EIF4G3: variants seen among roughly 807,000 people sequenced by gnomAD.
EIF4G3 encodes the protein eIF-4-gamma 3.
EIF4G3 carries 34 observed loss-of-function variants against 186.4 expected under a neutral mutation model. The ratio of observed to expected loss-of-function variants is 0.18; its 90% CI spans 0.14 to 0.24. The LOEUF is 0.24. EIF4G3 is among the 10% of genes least tolerant of loss of function. The probability of loss-of-function intolerance (pLI) is 1.00; values close to 1 mark genes in which losing one functional copy is unlikely to be tolerated. For missense variants in EIF4G3, 1,536 were observed against 1,948.5 expected (o/e 0.79, Z 3.99); for synonymous variants, 673 against 679.5 (o/e 0.99, Z 0.15).
chr1:20,823,518 G>A (rs531091301), intron 33 of EIF4G3, among the ~76,000 whole-genome samples: 4 of 151,974 alleles, frequency 2.6e-5, no homozygotes, highest in South Asian at 2.1e-4. Flanking sequence ...AGTAGCTTAC[G>A]ACTACAGGTG....
chr1:21,062,860 G>A (rs1253276074), intron 3 of EIF4G3, among the ~76,000 whole-genome samples: 1 of 152,068 alleles, frequency 6.6e-6, no homozygotes, highest in East Asian at 1.9e-4. Flanking sequence ...CAAAGTGCTA[G>A]GATTACAGGC....
chr1:21,065,727 G>A (rs1329228913), intron 3 of EIF4G3, among the ~76,000 whole-genome samples: 1 of 152,126 alleles, frequency 6.6e-6, no homozygotes, highest in Non-Finnish European at 1.5e-5. Flanking sequence ...TTATCATGCT[G>A]ATTTATTCAA....
chr1:20,978,831 G>A (rs1043176798), intron 10 of EIF4G3, among the ~76,000 whole-genome samples: 3 of 151,852 alleles, frequency 2.0e-5, no homozygotes, highest in Non-Finnish European at 4.4e-5. Context: ...ATCAACCAAG[G>A]TAACAGAAAA....
At chr1:20,879,287 G>A (rs923365141) in intron 20 of EIF4G3, 36 bp downstream of exon 20, 4 of 1,519,820 alleles carry the variant, frequency 2.6e-6, no homozygotes, top group Non-Finnish European at 3.6e-6. Context: ...TATACCTCTT[G>A]AAGATTTCTC....
intron 4 of EIF4G3, among the ~76,000 whole-genome samples, chr1:21,007,954 G>T (rs537017091): frequency 6.6e-6 from 1 of 152,192 alleles, no homozygotes; most frequent in South Asian, 2.1e-4. Context: ...ATTTAATAAA[G>T]AAAACCTCTG....
intron 4 of EIF4G3, among the ~76,000 whole-genome samples, chr1:21,034,018 C>T (rs1324976533): frequency 1.3e-5 from 2 of 152,122 alleles, no homozygotes; most frequent in Non-Finnish European, 2.9e-5. Context: ...ATGGGAGGAT[C>T]CCTTGAGCCC....
At chr1:20,995,438 T>C (rs767483068) in intron 7 of EIF4G3, among the ~76,000 whole-genome samples, 1 of 152,118 alleles carries the variant, frequency 6.6e-6, no homozygotes, top group Non-Finnish European at 1.5e-5. Flanking sequence ...AGTGGTGTGA[T>C]CTTGGCTCAC....
chr1:20,811,192 G>A (rs1461928347), intron 35 of EIF4G3, among the ~76,000 whole-genome samples: 7 of 152,210 alleles, frequency 4.6e-5, no homozygotes, highest in African/African-American at 9.6e-5. Context: ...GACCTCAGGC[G>A]ATCCACCCGC....
intron 33 of EIF4G3, among the ~76,000 whole-genome samples, chr1:20,818,298 A>T (rs1420914425): frequency 6.6e-6 from 1 of 152,190 alleles, no homozygotes; most frequent in Non-Finnish European, 1.5e-5. Flanking sequence ...TATAGGTGTG[A>T]GAAATGATGC....
chr1:21,065,348 T>A (rs1287097902), intron 3 of EIF4G3, among the ~76,000 whole-genome samples: 1 of 142,790 alleles, frequency 7.0e-6, no homozygotes, highest in Non-Finnish European at 1.5e-5. Flanking sequence ...ATTCAAGGCA[T>A]CCAAGTAGGC....
At chr1:21,118,564 A>T (rs550991853) in intron 2 of EIF4G3, among the ~76,000 whole-genome samples, 26 of 152,286 alleles carry the variant, frequency 1.7e-4, no homozygotes, top group African/African-American at 6.3e-4. Flanking sequence ...AGGCGGGCAG[A>T]TCACTAAGGT....
rs763701479 is a variant in EIF4G3 at position 20,807,089 on chromosome 1, A to T, written c.*230T>A. 3.0e-6 allele frequency: 1 copy of T among 330,362 alleles called. No individual in the cohort carries two copies. The highest frequency in any genetic ancestry group is 5.4e-6 in the Non-Finnish European group (1 of 184,982). The allele number at this position is 330,362 out of a possible 1,614,324, so 20.5% of individuals were successfully genotyped here. A position where few individuals can be genotyped will look rare whatever the true frequency, so the allele number is the denominator to read the frequency against. On this transcript the variant is annotated 3_prime_UTR_variant, in exon 37 of 37. Transcript: ENST00000602326. The stretch of plus-strand genomic sequence containing the variant: ...AAAACAGAAAATATTTTCTATAAAT[A>T]ATACATGTATTTTGGTTTTAGTGCT...
intron 19 of EIF4G3, 44 bp downstream of exon 19, chr1:20,886,154 AATC>A (rs1227548203): frequency 3.9e-6 from 6 of 1,558,056 alleles, no homozygotes; most frequent in Non-Finnish European, 4.3e-6. Flanking sequence ...GTTAAAACAA[AATC>A]AATATAATTT....
intron 4 of EIF4G3, among the ~76,000 whole-genome samples, chr1:21,022,730 G>A (rs1016076219): frequency 6.6e-6 from 1 of 152,214 alleles, no homozygotes; most frequent in Non-Finnish European, 1.5e-5. Flanking sequence ...AGGTTGGCAT[G>A]CGTCATCACA....
At chr1:21,122,049 G>A (rs1018732880) in intron 2 of EIF4G3, among the ~76,000 whole-genome samples, 2 of 152,134 alleles carry the variant, frequency 1.3e-5, no homozygotes, top group Admixed American at 1.3e-4. Context: ...GAGAGTCACA[G>A]CCAAGACTGA....
chr1:20,899,673 A>G, intron 16 of EIF4G3, 24 bp downstream of exon 16: 1 of 1,613,070 alleles, frequency 6.2e-7, no homozygotes, highest in Non-Finnish European at 8.5e-7. Context: ...AAAGAGGTAC[A>G]TAGGAAGGCA....
At chr1:21,063,198 C>A (rs927405616) in intron 3 of EIF4G3, among the ~76,000 whole-genome samples, 11 of 152,246 alleles carry the variant, frequency 7.2e-5, no homozygotes, top group African/African-American at 2.6e-4. Context: ...GGACTACAGG[C>A]ACATGCTACG....
intron 3 of EIF4G3, among the ~76,000 whole-genome samples, chr1:21,078,916 C>T (rs1216678106): frequency 1.3e-5 from 2 of 152,090 alleles, no homozygotes; most frequent in East Asian, 1.9e-4. Context: ...ACCCAGGAGG[C>T]GGAGGCTGCA....
At chr1:20,939,414 G>A (rs2095630856) in intron 14 of EIF4G3, among the ~76,000 whole-genome samples, 1 of 152,104 alleles carries the variant, frequency 6.6e-6, no homozygotes, top group Non-Finnish European at 1.5e-5. Context: ...TACTAATATT[G>A]AGAGCATCTG....
Sources: allele counts gnomAD v4.1 joint callset (sites outside exome capture counted in the v4.1 genomes callset), GRCh38; gene constraint gnomAD v4.1.1; transcripts MANE v1.5; gene names NCBI Gene and HGNC (gene_info 2026-07-23, HGNC 2026-07-21).